Variants in PRR16 observed in about 807,000 individuals in gnomAD.
PRR16 encodes the protein proline rich 16.
PRR16 carries 6 observed loss-of-function variants against 18.2 expected under a neutral mutation model. That is an observed-to-expected ratio of 0.33 (90% CI 0.18 to 0.65). The LOEUF is 0.65. Among genes scored for constraint, PRR16 ranks in the 30% least tolerant of loss-of-function variants. The probability of loss-of-function intolerance (pLI) is 0.74; values close to 1 mark genes in which losing one functional copy is unlikely to be tolerated. For synonymous variants in PRR16, 151 were observed against 147.8 expected (o/e 1.02, Z -0.16); for missense variants, 412 against 376.6 (o/e 1.09, Z -0.78).
intron 1 of PRR16, among the ~76,000 whole-genome samples, chr5:120,481,812 G>T (rs1458923071): frequency 2.0e-5 from 3 of 152,148 alleles, no homozygotes; most frequent in Middle Eastern, 3.4e-3. Flanking sequence ...GAATAATTTT[G>T]TTTCAAAACA....
chr5:120,677,372 T>C (rs1027681052), intron 1 of PRR16, among the ~76,000 whole-genome samples: 5 of 152,182 alleles, frequency 3.3e-5, no homozygotes, highest in African/African-American at 9.7e-5. Context: ...TGCTATCCTA[T>C]ATATTATGCC....
At chr5:120,626,061 G>A (rs556739579) in intron 1 of PRR16, among the ~76,000 whole-genome samples, 34 of 152,132 alleles carry the variant, frequency 2.2e-4, no homozygotes, top group South Asian at 4.1e-4. Flanking sequence ...TAATAATCAA[G>A]CACCTGGAAC....
chr5:120,680,554 G>A (rs139841755), intron 1 of PRR16, among the ~76,000 whole-genome samples: 97 of 152,212 alleles, frequency 6.4e-4, no homozygotes, highest in African/African-American at 2.3e-3. Context: ...TTTCCCTGGC[G>A]TTCGAGGCTG....
intron 1 of PRR16, among the ~76,000 whole-genome samples, chr5:120,533,722 A>T (rs1751625122): frequency 6.6e-6 from 1 of 152,226 alleles, no homozygotes; most frequent in Non-Finnish European, 1.5e-5. Flanking sequence ...AGATGAAAAC[A>T]AAAAGGCAGA....
chr5:120,723,051 A>T, the PRR16 span, among the ~76,000 whole-genome samples: 1 of 151,894 alleles, frequency 6.6e-6, no homozygotes, highest in Non-Finnish European at 1.5e-5. Context: ...AAAGTAAAAA[A>T]TTGGATACAA....
chr5:120,637,845 A>C (rs1231835739), intron 1 of PRR16, among the ~76,000 whole-genome samples: 12 of 152,118 alleles, frequency 7.9e-5, no homozygotes, highest in Non-Finnish European at 1.8e-4. Context: ...TCAACAACAA[A>C]AAAAAGAAAT....
intron 1 of PRR16, among the ~76,000 whole-genome samples, chr5:120,566,991 C>A (rs761496356): frequency 1.3e-5 from 2 of 152,046 alleles, no homozygotes; most frequent in Non-Finnish European, 2.9e-5. Flanking sequence ...GTTCCTAAGG[C>A]ATACCCAGTT....
At position 120,627,293 on chromosome 5, in the gene PRR16, A is replaced by G. The variant is rs542045924; in HGVS notation, c.160-58661A>G. On this transcript the variant is annotated intron_variant, in intron 1 of 1. Transcript: ENST00000407149. ...TATACAATCTGTACATGATCCTGCT[A>G]TGCTGCACTCATTGCTCAAATTAGT... 9.2e-5 allele frequency among the ~76,000 whole-genome samples: 14 copies of G among 152,262 alleles called. No homozygotes were observed. The East Asian group carries it at 2.3e-3, about 25-fold the overall frequency.
chr5:120,558,043 G>A (rs766521547), intron 1 of PRR16, among the ~76,000 whole-genome samples: 1 of 151,520 alleles, frequency 6.6e-6, no homozygotes, highest in Non-Finnish European at 1.5e-5. Flanking sequence ...ATATTTATGG[G>A]GTACATTAGA....
chr5:120,541,062 T>C (rs375212617), intron 1 of PRR16, among the ~76,000 whole-genome samples: 1 of 152,308 alleles, frequency 6.6e-6, no homozygotes, highest in East Asian at 1.9e-4. Context: ...TTATAATTGA[T>C]TGCTTTAGTA....
At chr5:120,740,062 A>C in the PRR16 span, among the ~76,000 whole-genome samples, 2 of 152,204 alleles carry the variant, frequency 1.3e-5, no homozygotes, top group South Asian at 4.1e-4. Flanking sequence ...GTTTTAGCTT[A>C]GCTAGATGAA....
the PRR16 span, among the ~76,000 whole-genome samples, chr5:120,730,882 C>G: frequency 1.3e-4 from 20 of 152,256 alleles, no homozygotes; most frequent in Admixed American, 7.2e-4. Flanking sequence ...CAATGCTCAG[C>G]TGAGAATCTT....
intron 1 of PRR16, among the ~76,000 whole-genome samples, chr5:120,618,202 A>C (rs915971912): frequency 1.2e-4 from 19 of 152,270 alleles, no homozygotes; most frequent in Admixed American, 1.2e-3. Context: ...ATGTCTGGAT[A>C]ATGTCAAATA....
chr5:120,647,950 A>C (rs1461457936), intron 1 of PRR16, among the ~76,000 whole-genome samples: 3 of 152,124 alleles, frequency 2.0e-5, no homozygotes, highest in Non-Finnish European at 4.4e-5. Flanking sequence ...AGCTGTGCAG[A>C]GAGGACTTAT....
chr5:120,488,052 G>T (rs1366356045), intron 1 of PRR16, among the ~76,000 whole-genome samples: 6 of 152,184 alleles, frequency 3.9e-5, no homozygotes, highest in Non-Finnish European at 8.8e-5. Context: ...TGGTTTGCCA[G>T]TATTTTATTG....
At chr5:120,689,373 A>T (rs574578231), downstream of PRR16, among the ~76,000 whole-genome samples, 1 of 152,316 alleles carries the variant, frequency 6.6e-6, no homozygotes, top group Admixed American at 6.5e-5. Flanking sequence ...TTAAAGTATC[A>T]TAAGTGGCAG....
intron 1 of PRR16, among the ~76,000 whole-genome samples, chr5:120,485,509 G>C (rs1022567124): frequency 3.3e-5 from 5 of 152,144 alleles, no homozygotes; most frequent in African/African-American, 1.2e-4. Context: ...GTTTGTTCTT[G>C]CAATGTATTT....
In PRR16 at chr5:120,670,839, T is replaced by C. The variant is rs531503472; in HGVS notation, c.160-15115T>C. ...TCACTAACGCAAAAATAATATAATG[T>C]AATCTCCCAATTTGTATCATTTTCT... On this transcript the variant is annotated intron_variant, in intron 1 of 1. Transcript: ENST00000407149. 2.0e-5 allele frequency among the ~76,000 whole-genome samples: 3 copies of C among 152,266 alleles called. No individual in the cohort carries two copies. The East Asian group carries it at 5.8e-4, about 29-fold the overall frequency.
chr5:120,593,968 A>G (rs1274265049), intron 1 of PRR16, among the ~76,000 whole-genome samples: 1 of 151,996 alleles, frequency 6.6e-6, no homozygotes, highest in Non-Finnish European at 1.5e-5. Flanking sequence ...CATGTTAAAA[A>G]CCCTCAAAAA....
Sources: gnomAD v4.1 joint callset for allele counts (sites outside exome capture counted in the v4.1 genomes callset) on GRCh38, gnomAD v4.1.1 for gene constraint, MANE v1.5 for transcripts, NCBI Gene and HGNC (gene_info 2026-07-23, HGNC 2026-07-21) for gene names.